MEGF9: variants seen among roughly 807,000 people sequenced by gnomAD.
MEGF9 encodes the protein multiple epidermal growth factor-like domains protein 9.
MEGF9 carries 6 observed loss-of-function variants against 46.8 expected under a neutral mutation model. That is an observed-to-expected ratio of 0.13 (90% CI 0.07 to 0.25). The LOEUF is 0.25. Ranked by LOEUF, MEGF9 falls within the 10% of genes least tolerant of loss-of-function variation. The pLI, the probability that MEGF9 is intolerant of heterozygous loss-of-function variation, is 1.00. For synonymous variants in MEGF9, 302 were observed against 330.7 expected (o/e 0.91, Z 0.94); for missense variants, 683 against 792.4 (o/e 0.86, Z 1.66).
At chr9:120,667,443 T>C (rs1227315864) in intron 1 of MEGF9, among the ~76,000 whole-genome samples, 1 of 152,238 alleles carries the variant, frequency 6.6e-6, no homozygotes, top group East Asian at 1.9e-4. Context: ...TAAAGATGTA[T>C]AGGATTACTA....
chr9:120,656,696 C>T (rs1467490246), intron 2 of MEGF9, among the ~76,000 whole-genome samples: 1 of 152,044 alleles, frequency 6.6e-6, no homozygotes, highest in African/African-American at 2.4e-5. Flanking sequence ...TTTATGCATG[C>T]ATTATCCTGC....
At chr9:120,656,904 C>T (rs767575532) in intron 2 of MEGF9, among the ~76,000 whole-genome samples, 4 of 152,008 alleles carry the variant, frequency 2.6e-5, no homozygotes, top group East Asian at 1.9e-4. Flanking sequence ...GTATACGGTG[C>T]GACTCTGTCT....
chr9:120,671,411 G>A (rs2043748517), intron 1 of MEGF9, among the ~76,000 whole-genome samples: 1 of 152,160 alleles, frequency 6.6e-6, no homozygotes, highest in South Asian at 2.1e-4. Context: ...CCATCAGAAT[G>A]AGAAATAAAT....
intron 4 of MEGF9, among the ~76,000 whole-genome samples, chr9:120,609,587 T>G (rs1044771252): frequency 6.6e-5 from 10 of 152,198 alleles, no homozygotes; most frequent in Admixed American, 6.5e-4. Context: ...TAATTTCACT[T>G]TAGGCAGTAG....
intron 1 of MEGF9, among the ~76,000 whole-genome samples, chr9:120,676,480 A>C (rs1024914468): frequency 1.3e-5 from 2 of 152,160 alleles, no homozygotes; most frequent in African/African-American, 4.8e-5. Flanking sequence ...TCTTCTAATC[A>C]ATATTAGTAA....
intron 2 of MEGF9, among the ~76,000 whole-genome samples, chr9:120,639,502 C>G (rs190745122): frequency 7.4e-6 from 1 of 135,540 alleles, no homozygotes; most frequent in South Asian, 2.3e-4. Context: ...AGTGAGACTC[C>G]GTCTTTAAAA....
chr9:120,619,930 C>G (rs2043490697), intron 3 of MEGF9, among the ~76,000 whole-genome samples: 1 of 152,116 alleles, frequency 6.6e-6, no homozygotes, highest in African/African-American at 2.4e-5. Context: ...TAAGTGGCCA[C>G]CAGAGGGCAA....
At chr9:120,686,087 ATTTT>A (rs939309954) in intron 1 of MEGF9, among the ~76,000 whole-genome samples, 1 of 137,004 alleles carries the variant, frequency 7.3e-6, no homozygotes. Context: ...AGTTGAGGGA[ATTTT>A]TTTTTTTTTT....
chr9:120,606,643 A>T (rs1463084857), intron 5 of MEGF9, among the ~76,000 whole-genome samples: 2 of 152,188 alleles, frequency 1.3e-5, no homozygotes, highest in Admixed American at 1.3e-4. Context: ...CAGATAAGTA[A>T]ATTTTTTTAA....
At chr9:120,632,954 T>G (rs2043557204) in intron 2 of MEGF9, among the ~76,000 whole-genome samples, 1 of 152,112 alleles carries the variant, frequency 6.6e-6, no homozygotes, top group Non-Finnish European at 1.5e-5. Flanking sequence ...TTGATCATGG[T>G]GTATTTTCTT....
At chr9:120,672,472 A>AT (rs199807354) in intron 1 of MEGF9, among the ~76,000 whole-genome samples, 1,738 of 146,488 alleles carry the variant, frequency 0.012, 42 homozygotes, top group African/African-American at 0.041. Flanking sequence ...AAATAAATAA[A>AT]AAGCCAGGAA....
At chr9:120,696,213 A>G (rs114933710) in intron 1 of MEGF9, among the ~76,000 whole-genome samples, 2,499 of 152,312 alleles carry the variant, frequency 0.016, 63 homozygotes, top group African/African-American at 0.056. Flanking sequence ...TTCAATCCTG[A>G]TTGAATCAAT....
At chr9:120,622,328 G>A (rs183155378) in intron 3 of MEGF9, among the ~76,000 whole-genome samples, 1 of 151,552 alleles carries the variant, frequency 6.6e-6, no homozygotes, top group Non-Finnish European at 1.5e-5. Context: ...GAAAGACAAT[G>A]GCTGGTGATC....
intron 1 of MEGF9, among the ~76,000 whole-genome samples, chr9:120,664,052 T>A (rs188123582): frequency 9.9e-4 from 150 of 152,156 alleles, no homozygotes; most frequent in African/African-American, 3.5e-3. Flanking sequence ...GAGATGAAAA[T>A]TTTTTAGCCC....
At position 120,640,285 on chromosome 9, in the gene MEGF9, G is replaced by A. The variant is rs543635867; in HGVS notation, c.804-17530C>T. Reference sequence around the variant, plus strand: ...GACTCTACTTGCTGTTCTCTCTATTGGCAATACTTTTCCACAGGGGATCCG... The same window carrying A: ...GACTCTACTTGCTGTTCTCTCTATTAGCAATACTTTTCCACAGGGGATCCG... On this transcript the variant is annotated intron_variant, in intron 2 of 5. Transcript: ENST00000373930. 2.0e-5 allele frequency among the ~76,000 whole-genome samples: 3 copies of A among 152,200 alleles called. No homozygotes were observed. In the South Asian group the frequency reaches 6.2e-4, roughly 32 times the overall value.
At chr9:120,630,258 A>G (rs952882020) in intron 2 of MEGF9, among the ~76,000 whole-genome samples, 2 of 152,218 alleles carry the variant, frequency 1.3e-5, no homozygotes, top group Non-Finnish European at 2.9e-5. Context: ...TAGTTCCCAC[A>G]TAAGTAGGAA....
At position 120,714,236 on chromosome 9, in the gene MEGF9, G is replaced by A; in HGVS notation, c.123C>T (p.Val41=). The A allele has an allele frequency of 2.4e-6, 3 of 1,238,332 alleles. No homozygotes were observed. The highest frequency in any genetic ancestry group is 2.0e-6 in the Non-Finnish European group (2 of 994,230). 76.7% of individuals were successfully genotyped at this position (1,238,332 alleles called of 1,614,324 possible). A position where few individuals can be genotyped will look rare whatever the true frequency, so the allele number is the denominator to read the frequency against. ...GCCCCGCGGCCCCGCCGCCACCGGT[G>A]ACATTCCCCGCCGAGGCGGCTGAGG... The part of the protein sequence containing the change: ...AVASAASAGN[V]TGGGGAAGQV... Residue 41 remains valine, a synonymous_variant, in exon 1 of 6, where the codon GTC becomes GTT. Coordinates refer to ENST00000373930, the MANE Select transcript of MEGF9 (RefSeq NM_001080497.3).
At chr9:120,697,678 C>T (rs931197502) in intron 1 of MEGF9, among the ~76,000 whole-genome samples, 1 of 152,070 alleles carries the variant, frequency 6.6e-6, no homozygotes, top group African/African-American at 2.4e-5. Context: ...TACCTGCTTA[C>T]CCTCATTTAA....
chr9:120,656,957 A>T (rs1465245621), intron 2 of MEGF9, among the ~76,000 whole-genome samples: 3 of 152,192 alleles, frequency 2.0e-5, no homozygotes, highest in African/African-American at 4.8e-5. Flanking sequence ...GTTAAAGTGA[A>T]CTGCCTAAAG....
Sources: allele counts gnomAD v4.1 joint callset (sites outside exome capture counted in the v4.1 genomes callset), GRCh38; gene constraint gnomAD v4.1.1; transcripts MANE v1.5; gene names NCBI Gene and HGNC (gene_info 2026-07-23, HGNC 2026-07-21).